RAD51AP2: variants seen among roughly 807,000 people sequenced by gnomAD.
The protein encoded by RAD51AP2 is RAD51 associated protein 2, also known as RAD51-associated protein 2.
RAD51AP2 carries 67 observed loss-of-function variants against 85.5 expected under a neutral mutation model. The observed-to-expected ratio is 0.78, with a 90% confidence interval of 0.64 to 0.96. RAD51AP2 has a LOEUF of 0.96. Ranked by LOEUF, RAD51AP2 falls within the 40% of genes least tolerant of loss-of-function variation. The pLI is 0.00. For synonymous variants in RAD51AP2, 474 were observed against 446.5 expected (o/e 1.06, Z -0.78); for missense variants, 1,307 against 1,332.4 (o/e 0.98, Z 0.30).
At chr2:17,529,857 G>A in the RAD51AP2 span, among the ~76,000 whole-genome samples, 11 of 152,238 alleles carry the variant, frequency 7.2e-5, no homozygotes, top group South Asian at 1.0e-3. Context: ...TGTACAATTC[G>A]TCCTTTGGGG....
intron 2 of RAD51AP2, among the ~76,000 whole-genome samples, chr2:17,513,675 C>T (rs441824): frequency 0.94 from 143,236 of 152,250 alleles, 67,963 homozygotes; most frequent in East Asian, 1. Flanking sequence ...ATAGAGCATG[C>T]TCTCTATCAG....
chr2:17,511,524 T>C lies in RAD51AP2; in HGVS notation c.3329-569A>G, dbSNP rs575032128. On this transcript the variant is annotated intron_variant, in intron 2 of 2. Transcript: ENST00000399080. ...CTGTTACTAAATCAGTTATGTAAAA[T>C]CAACTACCTCTGATAATAAAATACA... 6.7e-4 allele frequency among the ~76,000 whole-genome samples: 102 copies of C among 152,330 alleles called. 1 individual carries two copies. The highest frequency in any genetic ancestry group is 3.5e-3 in the Admixed American group (53 of 15,304).
At position 17,518,291 on chromosome 2, in the gene RAD51AP2, C is replaced by A. The variant is rs576052757; in HGVS notation, c.125G>T (p.Gly42Val). The A allele has an allele frequency of 5.0e-6, 8 of 1,614,160 alleles. No homozygotes were observed. In the Admixed American group the frequency reaches 1.3e-4, roughly 27 times the overall value. The change falls in exon 1 of 3, where the codon GGA becomes GTA. Residue 42 changes from glycine to valine, a missense_variant. Around this residue, in one of 3 missense-constraint regions of RAD51AP2, gnomAD observed 635 missense variants for 643.6 expected, o/e 0.99. Transcript: ENST00000399080. ...TCGCCAGCCCGCCTTAAAGACACCT[C>A]CAGGCTCCTCAAGACAGAGCCGCTT... ...SSKRLCLEEPGGVFKAGWRLP... is the reference protein window; with the variant it reads ...SSKRLCLEEPVGVFKAGWRLP...
upstream of RAD51AP2, chr2:17,518,444 T>A: frequency 1.9e-6 from 3 of 1,590,122 alleles, no homozygotes; most frequent in African/African-American, 4.0e-5. Flanking sequence ...TCTGTCCGAG[T>A]CCCGGCGGGG....
rs1662462671 is a variant in RAD51AP2, at chr2:17,510,627, T to C, written c.*177A>G. On this transcript the variant is annotated 3_prime_UTR_variant, in exon 3 of 3. Coordinates refer to ENST00000399080, the MANE Select transcript of RAD51AP2 (RefSeq NM_001099218.3). Reference sequence around the variant, plus strand: ...TTAATGTGTACATTTTTATATCATATAAAAATCCATAAAATATTTTATAAC... The same window carrying C: ...TTAATGTGTACATTTTTATATCATACAAAAATCCATAAAATATTTTATAAC... 2.5e-6 allele frequency: 1 copy of C among 405,780 alleles called. No homozygotes were observed. The highest frequency in any genetic ancestry group is 2.1e-5 in the African/African-American group (1 of 48,278). The allele number at this position is 405,780 out of a possible 1,614,324, so 25.1% of individuals were successfully genotyped here.
At chr2:17,520,248 C>T (rs1662827382), upstream of RAD51AP2, among the ~76,000 whole-genome samples, 1 of 152,164 alleles carries the variant, frequency 6.6e-6, no homozygotes, top group African/African-American at 2.4e-5. Flanking sequence ...AAACATTATA[C>T]TAATGGCCAC....
chr2:17,527,128 C>G, the RAD51AP2 span, among the ~76,000 whole-genome samples: 4 of 152,268 alleles, frequency 2.6e-5, no homozygotes, highest in South Asian at 8.3e-4. Flanking sequence ...CGAAAATTAT[C>G]ATGCTTCAGC....
the RAD51AP2 span, among the ~76,000 whole-genome samples, chr2:17,537,575 T>C: frequency 2.6e-5 from 4 of 152,176 alleles, no homozygotes; most frequent in East Asian, 7.7e-4. Context: ...GTTCCACCCT[T>C]CTTGGCTCAT....
At position 17,516,803 on chromosome 2, in the gene RAD51AP2, C is replaced by G; in HGVS notation, c.1613G>C (p.Cys538Ser). Residue 538 changes from cysteine (C) to serine (S), a missense_variant, in exon 1 of 3, where the codon TGT becomes TCT. Transcript: ENST00000399080. ...SILTCCNILK[C>S]KKQIGIIGIQ... Reference sequence around the variant, plus strand: ...ACCAATTATACCAATTTGCTTTTTACACTTCAAAATGTTACAGCAGGTTAA... The same window carrying G: ...ACCAATTATACCAATTTGCTTTTTAGACTTCAAAATGTTACAGCAGGTTAA... 1 of 1,550,994 alleles carries G rather than the reference C, an allele frequency of 6.4e-7. No homozygotes were observed. The highest frequency in any genetic ancestry group is 8.7e-7 in the Non-Finnish European group (1 of 1,145,794).
chr2:17,537,244 C>T, the RAD51AP2 span, among the ~76,000 whole-genome samples: 7 of 151,882 alleles, frequency 4.6e-5, no homozygotes. Flanking sequence ...ATCACTTGAG[C>T]CCAGGAGTTT....
chr2:17,527,428 T>A, the RAD51AP2 span, among the ~76,000 whole-genome samples: 8 of 152,178 alleles, frequency 5.3e-5, no homozygotes, highest in South Asian at 2.1e-4. Context: ...GAAAATGATA[T>A]ATGTAAATAG....
the RAD51AP2 span, among the ~76,000 whole-genome samples, chr2:17,524,151 G>T: frequency 6.6e-6 from 1 of 151,904 alleles, no homozygotes; most frequent in Non-Finnish European, 1.5e-5. Flanking sequence ...CTTATCTTCA[G>T]CCACTTCACT....
chr2:17,536,773 T>G, the RAD51AP2 span, among the ~76,000 whole-genome samples: 2 of 152,176 alleles, frequency 1.3e-5, no homozygotes, highest in South Asian at 4.1e-4. Flanking sequence ...AAACTAGAAT[T>G]TTTATTCCCT....
rs774852988 is a variant in RAD51AP2, at chr2:17,515,707, C to G, written c.2709G>C (p.Glu903Asp). ...QNYVTNTNEY[E>D]SILPEREIAN... Reference sequence around the variant, plus strand: ...CTATCTCCCTTTCTGGCAAAATACTCTCATATTCATTTGTATTTGTTACAT... The same window carrying G: ...CTATCTCCCTTTCTGGCAAAATACTGTCATATTCATTTGTATTTGTTACAT... The change falls in exon 1 of 3, where the codon GAG becomes GAC. Residue 903 changes from glutamate (E) to aspartate (D), a missense_variant. By Grantham distance (45) the Glu-to-Asp change is conservative. Transcript: ENST00000399080. The G allele has an allele frequency of 1.9e-6, 3 of 1,604,120 alleles. No individual in the cohort carries two copies. The highest frequency in any genetic ancestry group is 2.6e-6 in the Non-Finnish European group (3 of 1,174,952).
At position 17,514,067 on chromosome 2, in the gene RAD51AP2, T is replaced by A; in HGVS notation, c.3273A>T (p.Arg1091Ser). ...EKDCETPLPKRPAFLPDECKE... is the reference protein window; with the variant it reads ...EKDCETPLPKSPAFLPDECKE... The stretch of plus-strand genomic sequence containing the variant: ...TACATTCATCAGGGAGAAAAGCAGG[T>A]CTTTTAGGTAAAGGTGTTTCACAAT... The change falls in exon 2 of 3, where the codon AGA becomes AGT. Residue 1091 changes from arginine (R) to serine (S), a missense_variant. Transcript: ENST00000399080. 1 of 1,585,616 alleles carries A rather than the reference T, an allele frequency of 6.3e-7. No homozygotes were observed. Among genetic ancestry groups the A allele is most frequent in the Non-Finnish European group, 8.7e-7 (1 of 1,155,854 alleles).
At chr2:17,529,770 T>C in the RAD51AP2 span, among the ~76,000 whole-genome samples, 2 of 152,314 alleles carry the variant, frequency 1.3e-5, no homozygotes, top group Admixed American at 6.5e-5. Flanking sequence ...AACAAGACCT[T>C]AAAGAATAAG....
At chr2:17,531,685 A>G in the RAD51AP2 span, among the ~76,000 whole-genome samples, 1 of 152,232 alleles carries the variant, frequency 6.6e-6, no homozygotes, top group East Asian at 1.9e-4. Context: ...TGATCAGTAT[A>G]CCTAATCCGA....
In RAD51AP2 at chr2:17,515,527, C is replaced by T. The variant is rs963892973; in HGVS notation, c.2889G>A (p.Glu963=). ...GTACTAAGTCAAATTTTCTCTTCAT[C>T]TCAAAATCTTTTACTATTGTCAGAG... ...TEALTIVKDF[E]MKRKFDLVLE... is the part of the protein sequence containing the mutation. Residue 963 remains glutamate, a synonymous_variant, in exon 1 of 3, where the codon GAG becomes GAA. Transcript: ENST00000399080. 5 of 1,609,092 alleles carry T rather than the reference C, an allele frequency of 3.1e-6. No individual in the cohort carries two copies. In the African/African-American group the frequency reaches 6.7e-5, roughly 22 times the overall value.
chr2:17,536,384 T>C, the RAD51AP2 span, among the ~76,000 whole-genome samples: 1 of 152,184 alleles, frequency 6.6e-6, no homozygotes, highest in South Asian at 2.1e-4. Flanking sequence ...ACAGTGCAAT[T>C]CTGTTATCAT....
Sources: gnomAD v4.1 joint callset for allele counts (sites outside exome capture counted in the v4.1 genomes callset) on GRCh38, gnomAD v4.1.1 for gene constraint, gnomAD v4.1.1 regional missense constraint, MANE v1.5 for transcripts, NCBI Gene and HGNC (gene_info 2026-07-23, HGNC 2026-07-21) for gene names.